The following ZBED6 variants were observed in gnomAD, a reference collection of about 807,000 sequenced individuals.
ZBED6 encodes the protein zinc finger BED-type containing 6.
Under a neutral mutation model 58.4 loss-of-function variants are expected in ZBED6, and 40 were observed. The observed-to-expected ratio is 0.68, with a 90% CI of 0.53 to 0.89. ZBED6 has a LOEUF of 0.89. Ranked by LOEUF, ZBED6 falls within the 40% of genes least tolerant of loss-of-function variation. ZBED6 has a pLI of 0.00. For synonymous variants in ZBED6, 439 were observed against 350.6 expected (o/e 1.25, Z -2.82); for missense variants, 1,057 against 1,003.9 (o/e 1.05, Z -0.71).
chr1:203,849,706 C>T lies in ZBED6; in HGVS notation c.*4323-5C>T. On this transcript the variant is annotated splice_region_variant and splice_polypyrimidine_tract_variant and intron_variant, in intron 13 of 16. Coordinates refer to ENST00000550078, the Ensembl canonical transcript of ZBED6. ...TTTAATTCTGTCATTCAAATTTATC[C>T]ACAGGCTTCAGGTGAGACCACAGGA... is the stretch of plus-strand genomic sequence containing the variant. 6.2e-7 allele frequency: 1 copy of T among 1,613,166 alleles called. No individual in the cohort carries two copies.
intron 3 of ZBED6, among the ~76,000 whole-genome samples, chr1:203,827,471 G>A (rs1680910858): frequency 6.6e-6 from 1 of 151,650 alleles, no homozygotes; most frequent in East Asian, 1.9e-4. Flanking sequence ...ACGAGGTCAG[G>A]AGATCAAGAC....
chr1:203,821,812 C>T lies in ZBED6; in HGVS notation c.*2873+3123C>T, dbSNP rs531062032. Among the ~76,000 whole-genome samples the T allele has an allele frequency of 4.0e-5, 6 of 151,342 alleles. No individual in the cohort carries two copies. The South Asian group carries it at 1.3e-3, about 32-fold the overall frequency. On this transcript the variant is annotated intron_variant, in intron 3 of 16. Coordinates refer to ENST00000550078, the Ensembl canonical transcript of ZBED6. ...TTGCTCTATCACCCAGGCTGGAGTG[C>T]AGTGGCGCGATCTCCGCTCACTGCA...
rs774911667 is a variant in ZBED6 at position 203,828,364 on chromosome 1, C to T, written c.*2939C>T. ...CAACAGGATGTCAAAAATTAAACTG[C>T]GCTTTCCATCACAATAGAGGACGAT... On this transcript the variant is annotated 3_prime_UTR_variant, in exon 4 of 17. Transcript: ENST00000550078. 1.6e-5 allele frequency: 26 copies of T among 1,613,988 alleles called. No homozygotes were observed. In the East Asian group the frequency reaches 1.8e-4, roughly 11 times the overall value.
chr1:203,848,117 C>T (rs550919966), intron 12 of ZBED6, among the ~76,000 whole-genome samples: 1 of 152,262 alleles, frequency 6.6e-6, no homozygotes, highest in African/African-American at 2.4e-5. Flanking sequence ...TTCAGTCTCC[C>T]AAAGTGCTGG....
intron 8 of ZBED6, 114 bp from the exon 9 acceptor site, chr1:203,833,677 G>T: frequency 4.7e-5 from 24 of 508,042 alleles, no homozygotes; most frequent in Non-Finnish European, 4.9e-5. Flanking sequence ...TGATTTTCAA[G>T]AGACTTTCTG....
chr1:203,846,896 TG>T (rs936230794), intron 11 of ZBED6, among the ~76,000 whole-genome samples: 9 of 151,922 alleles, frequency 5.9e-5, no homozygotes, highest in African/African-American at 2.2e-4. Context: ...CCCAGCTACT[TG>T]GGAGGCTGAG....
intron 8 of ZBED6, among the ~76,000 whole-genome samples, chr1:203,833,240 C>T (rs1163659475): frequency 3.3e-5 from 5 of 151,904 alleles, no homozygotes; most frequent in Non-Finnish European, 7.4e-5. Flanking sequence ...TGGTGGTGCA[C>T]GCCTGTAATC....
chr1:203,798,301 C>G (rs1407304068), exon 1 of ZBED6: 1 of 1,535,990 alleles, frequency 6.5e-7, no homozygotes, highest in African/African-American at 1.4e-5. Flanking sequence ...GCTTTAATTC[C>G]TGGAACTAGA....
At chr1:203,833,993 T>G (rs1683367771) in intron 9 of ZBED6, 140 bp downstream of exon 9, 4 of 1,366,224 alleles carry the variant, frequency 2.9e-6, no homozygotes, top group Non-Finnish European at 3.8e-6. Context: ...TCCTCATGTT[T>G]TCATGAGTGC....
intron 3 of ZBED6, among the ~76,000 whole-genome samples, chr1:203,822,612 C>G (rs770248754): frequency 6.6e-6 from 1 of 152,158 alleles, no homozygotes; most frequent in Non-Finnish European, 1.5e-5. Context: ...CCATTCTAGA[C>G]TGACCCTACA....
At chr1:203,817,063 T>C (rs1676606634) in exon 2 of ZBED6, 3 of 1,603,232 alleles carry the variant, frequency 1.9e-6, no homozygotes, top group Non-Finnish European at 2.6e-6. Context: ...TCTAAGAATC[T>C]ACCCAGCATG....
intron 15 of ZBED6, 102 bp downstream of exon 15, chr1:203,850,783 G>T: frequency 1.4e-6 from 2 of 1,442,616 alleles, no homozygotes; most frequent in African/African-American, 1.4e-5. Context: ...TCACTTCCTG[G>T]CATTTCCTAG....
chr1:203,826,390 TTTTAAAAATTATAC>T (rs1233009901), intron 3 of ZBED6, among the ~76,000 whole-genome samples: 1 of 151,260 alleles, frequency 6.6e-6, no homozygotes, highest in Non-Finnish European at 1.5e-5. Context: ...AATTAATTCT[TTTTAAAAATTATAC>T]TTTAAAAATA....
intron 8 of ZBED6, among the ~76,000 whole-genome samples, chr1:203,833,119 C>T (rs12752055): frequency 0.1 from 15,761 of 152,084 alleles, 1,101 homozygotes; most frequent in Non-Finnish European, 0.15. Flanking sequence ...CCTGTAATCC[C>T]GGCACTTTGG....
At chr1:203,805,811 C>T (rs899476962) in intron 1 of ZBED6, 39 of 821,630 alleles carry the variant, frequency 4.7e-5, no homozygotes, top group Admixed American at 8.9e-5. Flanking sequence ...AATTCTGGGC[C>T]GCCATAACTG....
At chr1:203,820,556 C>T (rs543470973) in intron 3 of ZBED6, among the ~76,000 whole-genome samples, 1 of 151,856 alleles carries the variant, frequency 6.6e-6, no homozygotes, top group East Asian at 1.9e-4. Flanking sequence ...CAGCTCACTG[C>T]GACCTCTGCC....
At chr1:203,811,822 CTTT>C (rs766087522) in intron 1 of ZBED6, among the ~76,000 whole-genome samples, 5 of 133,438 alleles carry the variant, frequency 3.7e-5, no homozygotes, top group African/African-American at 2.8e-5. Flanking sequence ...TTGTCTTTTT[CTTT>C]TTTTTTTTTT....
chr1:203,839,638 C>G (rs1269203535), intron 10 of ZBED6, among the ~76,000 whole-genome samples: 1 of 151,982 alleles, frequency 6.6e-6, no homozygotes, highest in African/African-American at 2.4e-5. Context: ...TGTGTATTGA[C>G]CATGTTGAAG....
chr1:203,802,291 A>G (rs1235220633), exon 1 of ZBED6: 1 of 152,618 alleles, frequency 6.6e-6, no homozygotes, highest in Non-Finnish European at 1.5e-5. Context: ...GGCAAAATTT[A>G]GTGTAACAAT....
Sources: allele counts gnomAD v4.1 joint callset (sites outside exome capture counted in the v4.1 genomes callset), GRCh38; gene constraint gnomAD v4.1.1; transcripts MANE v1.5; gene names NCBI Gene and HGNC (gene_info 2026-07-23, HGNC 2026-07-21).